The following GPC6 variants were observed in gnomAD, a reference collection of about 807,000 sequenced individuals.
GPC6 encodes glypican-6.
GPC6 carries 14 observed loss-of-function variants against 55.2 expected under a neutral mutation model. The ratio of observed to expected loss-of-function variants is 0.25; its 90% confidence interval spans 0.17 to 0.40. The LOEUF (loss-of-function observed/expected upper bound fraction) is 0.40. Ranked by LOEUF, GPC6 falls within the 10% of genes least tolerant of loss-of-function variation. GPC6 has a pLI of 1.00. For synonymous variants in GPC6, 278 were observed against 259.6 expected (o/e 1.07, Z -0.68); for missense variants, 641 against 708.5 (o/e 0.90, Z 1.08).
intron 4 of GPC6, among the ~76,000 whole-genome samples, chr13:94,052,075 A>G (rs1189579567): frequency 6.6e-6 from 1 of 152,160 alleles, no homozygotes; most frequent in Middle Eastern, 3.2e-3. Flanking sequence ...TGGTGGGGAG[A>G]AAGACGCATA....
chr13:93,359,894 GA>G (rs1209603660), intron 1 of GPC6, among the ~76,000 whole-genome samples: 1 of 152,046 alleles, frequency 6.6e-6, no homozygotes, highest in African/African-American at 2.4e-5. Context: ...ATTAGGCAAA[GA>G]AAACATATTT....
At chr13:93,976,334 T>C (rs1265405127) in intron 3 of GPC6, among the ~76,000 whole-genome samples, 2 of 152,084 alleles carry the variant, frequency 1.3e-5, no homozygotes, top group African/African-American at 2.4e-5. Flanking sequence ...TATTGGTTTG[T>C]TGTTGTTTAT....
At chr13:94,365,451 A>T (rs1191693580) in intron 6 of GPC6, among the ~76,000 whole-genome samples, 2 of 152,232 alleles carry the variant, frequency 1.3e-5, no homozygotes, top group African/African-American at 4.8e-5. Context: ...TATAGCATAA[A>T]TATAACACAA....
chr13:94,251,901 G>A (rs1186616177), intron 4 of GPC6, among the ~76,000 whole-genome samples: 2 of 151,886 alleles, frequency 1.3e-5, no homozygotes, highest in African/African-American at 2.4e-5. Context: ...AAAATCCATC[G>A]ACTATGCCTG....
intron 1 of GPC6, among the ~76,000 whole-genome samples, chr13:93,443,063 T>C (rs892525855): frequency 1.3e-5 from 2 of 152,162 alleles, no homozygotes; most frequent in African/African-American, 4.8e-5. Context: ...ATGAGCACTT[T>C]TGCTTCTTAG....
At chr13:94,241,888 C>CT (rs199693011) in intron 4 of GPC6, among the ~76,000 whole-genome samples, 4,419 of 151,142 alleles carry the variant, frequency 0.029, 217 homozygotes, top group African/African-American at 0.093. Flanking sequence ...TCCTGAATTT[C>CT]TTTTTTTTTC....
At chr13:94,394,128 C>T (rs942864697) in intron 7 of GPC6, among the ~76,000 whole-genome samples, 1 of 152,214 alleles carries the variant, frequency 6.6e-6, no homozygotes, top group Non-Finnish European at 1.5e-5. Flanking sequence ...AGGACACTCA[C>T]ATTTATAATA....
At chr13:93,912,721 C>A (rs1055143439) in intron 3 of GPC6, among the ~76,000 whole-genome samples, 4 of 151,978 alleles carry the variant, frequency 2.6e-5, no homozygotes, top group Admixed American at 6.5e-5. Flanking sequence ...CCAGCCTGGG[C>A]GACAGATAGA....
chr13:93,597,518 G>A (rs1877814423), intron 2 of GPC6, among the ~76,000 whole-genome samples: 1 of 152,152 alleles, frequency 6.6e-6, no homozygotes, highest in Non-Finnish European at 1.5e-5. Flanking sequence ...AATTACAGTT[G>A]ACCCTTGAGC....
intron 4 of GPC6, among the ~76,000 whole-genome samples, chr13:94,246,785 G>A (rs927948143): frequency 2.6e-5 from 4 of 152,018 alleles, no homozygotes; most frequent in African/African-American, 9.7e-5. Flanking sequence ...TTTAAAATCA[G>A]GAGGAAGTGT....
rs35261105 is a variant in GPC6 at position 93,983,784 on chromosome 13, T to TAAA, written c.712-43934_712-43932dup. 8.0e-3 allele frequency among the ~76,000 whole-genome samples: 1,154 copies of TAAA among 144,812 alleles called. 19 individuals carry two copies. Among genetic ancestry groups the TAAA allele is most frequent in the African/African-American group, 0.028 (1,102 of 39,604 alleles). On this transcript the variant is annotated intron_variant, in intron 3 of 8. Transcript: ENST00000377047. ...TACTGTAAGTTTTTCATATTTTTGT[T>TAAA]AAAAAAAAAAAAAGCAAACATCACT...
intron 3 of GPC6, among the ~76,000 whole-genome samples, chr13:93,843,641 T>C (rs573285305): frequency 1.1e-3 from 168 of 152,330 alleles, no homozygotes; most frequent in Middle Eastern, 3.4e-3. Flanking sequence ...ATTGGGCGGA[T>C]TGACATAAAA....
intron 1 of GPC6, among the ~76,000 whole-genome samples, chr13:93,431,043 T>G (rs972676053): frequency 6.6e-6 from 1 of 152,146 alleles, no homozygotes; most frequent in African/African-American, 2.4e-5. Flanking sequence ...ATATTATTTA[T>G]TTTGTTTTTT....
intron 2 of GPC6, among the ~76,000 whole-genome samples, chr13:93,788,860 C>A (rs1332970919): frequency 1.3e-5 from 2 of 151,862 alleles, no homozygotes; most frequent in African/African-American, 4.8e-5. Context: ...AGAAAAACAG[C>A]AAGACAACTG....
intron 5 of GPC6, among the ~76,000 whole-genome samples, chr13:94,290,370 A>G (rs1874889206): frequency 6.8e-6 from 1 of 147,778 alleles, no homozygotes; most frequent in Admixed American, 6.8e-5. Context: ...ACAGTGAGCT[A>G]TGATTATGCC....
At chr13:93,750,278 T>C (rs1354247118) in intron 2 of GPC6, among the ~76,000 whole-genome samples, 1 of 152,198 alleles carries the variant, frequency 6.6e-6, no homozygotes, top group African/African-American at 2.4e-5. Flanking sequence ...GTTTGGGAAT[T>C]CTACTTGGCT....
At chr13:93,991,598 A>C (rs1355889772) in intron 3 of GPC6, among the ~76,000 whole-genome samples, 1 of 152,136 alleles carries the variant, frequency 6.6e-6, no homozygotes, top group South Asian at 2.1e-4. Context: ...AAGTATTTTT[A>C]TGCCATTCTG....
chr13:93,763,721 T>C (rs945721704), intron 2 of GPC6, among the ~76,000 whole-genome samples: 1 of 152,354 alleles, frequency 6.6e-6, no homozygotes, highest in East Asian at 1.9e-4. Context: ...TTGTAAATTA[T>C]CTGCTTTCCC....
At chr13:93,917,619 T>C (rs539706458) in intron 3 of GPC6, among the ~76,000 whole-genome samples, 7 of 152,294 alleles carry the variant, frequency 4.6e-5, no homozygotes, top group African/African-American at 1.7e-4. Context: ...GAAAGAATTG[T>C]TAGTTCTGAC....
Sources: gnomAD v4.1 joint callset for allele counts (sites outside exome capture counted in the v4.1 genomes callset) on GRCh38, gnomAD v4.1.1 for gene constraint, MANE v1.5 for transcripts, NCBI Gene and HGNC (gene_info 2026-07-23, HGNC 2026-07-21) for gene names.